Variants in PDE1C observed in about 807,000 individuals in gnomAD.
PDE1C encodes the protein phosphodiesterase 1C.
PDE1C carries 62 observed loss-of-function variants against 93.1 expected under a neutral mutation model. The ratio of observed to expected loss-of-function variants is 0.67; its 90% CI spans 0.54 to 0.82. The LOEUF (loss-of-function observed/expected upper bound fraction) is 0.82, where lower values mean the gene tolerates loss of function less well. Among genes scored for constraint, PDE1C ranks in the 40% least tolerant of loss-of-function variants. The pLI, the probability that PDE1C is intolerant of heterozygous loss-of-function variation, is 0.00. For synonymous variants in PDE1C, 325 were observed against 310.1 expected (o/e 1.05, Z -0.50); for missense variants, 742 against 884.6 (o/e 0.84, Z 2.04).
intron 1 of PDE1C, among the ~76,000 whole-genome samples, chr7:32,394,977 C>T (rs1245638600): frequency 5.9e-5 from 9 of 152,152 alleles, no homozygotes; most frequent in African/African-American, 2.2e-4. Context: ...AGATCTGGTG[C>T]CATGCTTCTT....
the PDE1C span, among the ~76,000 whole-genome samples, chr7:31,727,774 G>C: frequency 1.3e-5 from 2 of 152,176 alleles, no homozygotes; most frequent in Non-Finnish European, 2.9e-5. Flanking sequence ...GGGCACGGTG[G>C]CTCATGCCTA....
intron 2 of PDE1C, among the ~76,000 whole-genome samples, chr7:32,050,318 T>C (rs570852227): frequency 6.6e-6 from 1 of 152,300 alleles, no homozygotes; most frequent in East Asian, 1.9e-4. Context: ...GCTGGACCTT[T>C]AGAATCCCAA....
the PDE1C span, among the ~76,000 whole-genome samples, chr7:31,677,626 A>G: frequency 6.6e-6 from 1 of 152,214 alleles, no homozygotes. Context: ...TCAATAAACT[A>G]TAAGAATTAT....
At chr7:31,971,829 G>A (rs1022201699) in intron 2 of PDE1C, among the ~76,000 whole-genome samples, 4 of 152,128 alleles carry the variant, frequency 2.6e-5, no homozygotes, top group Non-Finnish European at 5.9e-5. Flanking sequence ...CTTCCAACAG[G>A]AGATCCCTCT....
intron 2 of PDE1C, among the ~76,000 whole-genome samples, chr7:31,955,572 G>C (rs1195486285): frequency 6.6e-6 from 1 of 152,090 alleles, no homozygotes; most frequent in Non-Finnish European, 1.5e-5. Context: ...GCAGTATAAA[G>C]TATACTGATT....
intron 2 of PDE1C, among the ~76,000 whole-genome samples, chr7:31,994,217 G>C (rs1784462355): frequency 6.6e-6 from 1 of 152,134 alleles, no homozygotes; most frequent in Non-Finnish European, 1.5e-5. Flanking sequence ...TTATGGTCTT[G>C]AGTAAGCCCC....
the PDE1C span, among the ~76,000 whole-genome samples, chr7:31,645,590 A>C: frequency 6.6e-6 from 1 of 152,208 alleles, no homozygotes; most frequent in Admixed American, 6.5e-5. Context: ...CATCACCATA[A>C]CCATCATCAC....
the PDE1C span, among the ~76,000 whole-genome samples, chr7:31,661,683 A>T: frequency 6.6e-6 from 1 of 152,204 alleles, no homozygotes; most frequent in African/African-American, 2.4e-5. Flanking sequence ...ATTGCACTCT[A>T]GCCTGGGGCA....
At chr7:31,736,808 G>T in the PDE1C span, among the ~76,000 whole-genome samples, 37 of 152,274 alleles carry the variant, frequency 2.4e-4, no homozygotes, top group East Asian at 7.7e-4. Flanking sequence ...TCCCTTGTGT[G>T]GGGGGAGGCT....
chr7:32,221,995 A>G (rs1806902959), intron 1 of PDE1C, among the ~76,000 whole-genome samples: 1 of 152,066 alleles, frequency 6.6e-6, no homozygotes, highest in South Asian at 2.1e-4. Context: ...CCTTACAGCC[A>G]CAACTTCACT....
chr7:32,181,759 C>A (rs36199612), intron 2 of PDE1C, among the ~76,000 whole-genome samples: 2 of 151,944 alleles, frequency 1.3e-5, no homozygotes, highest in Non-Finnish European at 2.9e-5. Context: ...CAAGAGCAAA[C>A]ATATTCAAAA....
At chr7:32,274,209 ATT>A (rs1263722575) in intron 1 of PDE1C, among the ~76,000 whole-genome samples, 81 of 144,106 alleles carry the variant, frequency 5.6e-4, no homozygotes, top group South Asian at 3.3e-3. Flanking sequence ...TAGTTTTTTA[ATT>A]TTTTTTTTTT....
chr7:32,186,708 A>C (rs1584926727), intron 2 of PDE1C, among the ~76,000 whole-genome samples: 2 of 152,150 alleles, frequency 1.3e-5, no homozygotes, highest in Admixed American at 1.3e-4. Context: ...ACTTTGTAAC[A>C]GTATAGTCAG....
chr7:32,361,714 C>T (rs1585125588), intron 1 of PDE1C, among the ~76,000 whole-genome samples: 2 of 152,294 alleles, frequency 1.3e-5, no homozygotes, highest in African/African-American at 2.4e-5. Flanking sequence ...TTTCCTGCCT[C>T]GTGCTCCCCT....
intron 2 of PDE1C, among the ~76,000 whole-genome samples, chr7:32,171,882 T>C (rs1562545392): frequency 6.9e-6 from 1 of 145,434 alleles, no homozygotes; most frequent in Non-Finnish European, 1.5e-5. Context: ...GATGACTAAA[T>C]GTAATGTGGC....
chr7:32,301,273 G>A (rs1812875816), upstream of PDE1C, among the ~76,000 whole-genome samples: 1 of 151,844 alleles, frequency 6.6e-6, no homozygotes, highest in Non-Finnish European at 1.5e-5. Flanking sequence ...CTCAGCTGAG[G>A]AACCTGAAAG....
intron 2 of PDE1C, among the ~76,000 whole-genome samples, chr7:32,017,882 C>T (rs1321300850): frequency 1.3e-5 from 2 of 150,570 alleles, no homozygotes; most frequent in East Asian, 4.0e-4. Flanking sequence ...AGTTTGAAAC[C>T]AGCCTGGGCA....
At chr7:32,370,676 T>C (rs1275512961) in intron 1 of PDE1C, among the ~76,000 whole-genome samples, 4 of 151,860 alleles carry the variant, frequency 2.6e-5, no homozygotes, top group African/African-American at 9.7e-5. Context: ...TTAGGAGAAA[T>C]ACCTAATGTA....
At chr7:32,128,906 A>AATATATATATATAT (rs763801947) in intron 3 of PDE1C, among the ~76,000 whole-genome samples, 52 of 55,988 alleles carry the variant, frequency 9.3e-4, no homozygotes, top group Non-Finnish European at 1.3e-3. Context: ...AAGTATAACA[A>AATATATATATATAT]ATATATATAT....
Sources: gnomAD v4.1 joint callset for allele counts (sites outside exome capture counted in the v4.1 genomes callset) on GRCh38, gnomAD v4.1.1 for gene constraint, MANE v1.5 for transcripts, NCBI Gene and HGNC (gene_info 2026-07-23, HGNC 2026-07-21) for gene names.